Variants in NUP153 observed in about 807,000 individuals in gnomAD.
NUP153 encodes nuclear pore complex protein Nup153.
NUP153 carries 27 observed loss-of-function variants against 134.6 expected under a neutral mutation model. The ratio of observed to expected loss-of-function variants is 0.20; its 90% CI spans 0.15 to 0.28. NUP153 has a LOEUF of 0.28. NUP153 is among the 10% of genes least tolerant of loss of function. The pLI is 1.00. For synonymous variants in NUP153, 640 were observed against 623.5 expected, an observed-to-expected ratio of 1.03 and a Z score of -0.40; for missense variants, 1,821 against 1,731.3, an observed-to-expected ratio of 1.05 and a Z score of -0.92.
At chr6:17,622,370 C>A (rs996387840) in intron 20 of NUP153, among the ~76,000 whole-genome samples, 3 of 152,168 alleles carry the variant, frequency 2.0e-5, no homozygotes, top group East Asian at 1.9e-4. Context: ...CAGGCTCAGG[C>A]AGGAGGATGG....
rs372055394 is a variant in NUP153 at position 17,688,562 on chromosome 6, T to C, written c.168A>G (p.Gln56=). 24 of 1,614,030 alleles carry C rather than the reference T, an allele frequency of 1.5e-5. No individual in the cohort carries two copies. In the East Asian group the frequency reaches 4.5e-4, roughly 30 times the overall value. The change falls in exon 2 of 22, where the codon CAA becomes CAG. Residue 56 remains glutamine (Q), a synonymous_variant. Coordinates refer to ENST00000262077, the MANE Select transcript of NUP153 (RefSeq NM_005124.4). ...CATCTTCATTCTTGTTGAAGTATCTTTGTAGCCACCCTGGCACAATATTCT... is the reference window on the plus strand; with the variant it reads ...CATCTTCATTCTTGTTGAAGTATCTCTGTAGCCACCCTGGCACAATATTCT... ...SVKNIVPGWL[Q]RYFNKNEDVC... is the part of the protein sequence containing the mutation.
intron 5 of NUP153, among the ~76,000 whole-genome samples, chr6:17,674,490 C>T (rs1768101682): frequency 6.6e-6 from 1 of 152,104 alleles, no homozygotes; most frequent in Admixed American, 6.6e-5. Flanking sequence ...AACTACTGGC[C>T]GGGTGCAGTG....
chr6:17,661,254 C>T (rs892683055), intron 11 of NUP153, among the ~76,000 whole-genome samples: 1 of 152,076 alleles, frequency 6.6e-6, no homozygotes, highest in Non-Finnish European at 1.5e-5. Context: ...GCAGAGGTTG[C>T]ACTGAGCCGA....
intron 18 of NUP153, among the ~76,000 whole-genome samples, chr6:17,627,487 G>A (rs1456590196): frequency 6.6e-6 from 1 of 152,030 alleles, no homozygotes; most frequent in Admixed American, 6.6e-5. Context: ...TTGTGTTGGT[G>A]TTTTTTTGTT....
intron 1 of NUP153, among the ~76,000 whole-genome samples, chr6:17,702,973 G>T (rs1029055089): frequency 2.6e-5 from 4 of 152,048 alleles, no homozygotes; most frequent in Non-Finnish European, 4.4e-5. Context: ...GGCTGTGGCG[G>T]GTGGATCACC....
At chr6:17,669,139 C>T (rs564985325) in intron 7 of NUP153, 111 bp from the exon 8 acceptor site, 37 of 1,001,656 alleles carry the variant, frequency 3.7e-5, no homozygotes, top group African/African-American at 3.2e-4. Context: ...AGTGCAGTGG[C>T]GCGATCTTGA....
At position 17,635,645 on chromosome 6, in the gene NUP153, C is replaced by T. The variant is rs190081612; in HGVS notation, c.2464+1508G>A. Among the ~76,000 whole-genome samples, 220 of 152,274 alleles carry T rather than the reference C, an allele frequency of 1.4e-3. 1 individual carries two copies. The highest frequency in any genetic ancestry group is 2.3e-3 in the Non-Finnish European group (157 of 68,018). On this transcript the variant is annotated intron_variant, in intron 16 of 21. Coordinates refer to ENST00000262077, the MANE Select transcript of NUP153 (RefSeq NM_005124.4). ...TTAAACTGGGTTCAAGCAATATACC[C>T]GCCTTGGCTTCTCCCAGTGCTGGGA...
Position 17,640,053 on chromosome 6 carries a change from T to C in NUP153, c.1732A>G (p.Thr578Ala). The stretch of plus-strand genomic sequence containing the variant: ...TTACAATTTGTACTGTTCACTGTAG[T>C]GACATGATGAGCTGTAATTTTTTTA... The part of the protein sequence containing the change: ...PIISSSAHHV[T>A]TVNSTNCKKT... The change falls in exon 15 of 22, where the codon ACT becomes GCT. Residue 578 changes from threonine to alanine, a missense_variant. Physicochemically the swap from Thr to Ala is moderately conservative, Grantham distance 58. Coordinates refer to ENST00000262077, the MANE Select transcript of NUP153 (RefSeq NM_005124.4). The C allele has an allele frequency of 6.4e-7, 1 of 1,572,614 alleles. No individual in the cohort carries two copies. The highest frequency in any genetic ancestry group is 1.4e-5 in the African/African-American group (1 of 73,210).
chr6:17,648,481 G>C (rs1004793304), intron 12 of NUP153, among the ~76,000 whole-genome samples: 7 of 152,142 alleles, frequency 4.6e-5, no homozygotes, highest in African/African-American at 2.4e-5. Context: ...GCCGGGCATG[G>C]TGGTGCGCAC....
rs115093410 is a variant in NUP153, at chr6:17,668,607, C to T, written c.1068+368G>A. ...ACCTTAGTCCCGGCACTTTGGGAGG[C>T]CACGGCAGGCAGATCACCTGAGCTC... On this transcript the variant is annotated intron_variant, in intron 8 of 21. Transcript: ENST00000262077. Among the ~76,000 whole-genome samples the T allele has an allele frequency of 2.5e-3, 374 of 152,086 alleles. 5 individuals carry two copies. The highest frequency in any genetic ancestry group is 8.3e-3 in the African/African-American group (346 of 41,492).
At chr6:17,616,290 G>GGGGGGGGGGGGGGGC in intron 21 of NUP153, 109 bp from the exon 22 acceptor site, 1 of 473,898 alleles carries the variant, frequency 2.1e-6, no homozygotes, top group Non-Finnish European at 3.9e-6. Flanking sequence ...GGTGGGGGGG[G>GGGGGGGGGGGGGGGC]AGTAGACTCA....
chr6:17,665,431 A>C, intron 8 of NUP153, 46 bp from the exon 9 acceptor site: 3 of 1,487,644 alleles, frequency 2.0e-6, no homozygotes, highest in Non-Finnish European at 2.8e-6. Context: ...CATATAAATC[A>C]ATGATTCATA....
At chr6:17,697,639 G>C (rs905702563) in intron 1 of NUP153, among the ~76,000 whole-genome samples, 4 of 152,144 alleles carry the variant, frequency 2.6e-5, no homozygotes, top group Non-Finnish European at 5.9e-5. Context: ...AGTGAGCCGA[G>C]ATCACATCAC....
chr6:17,646,616 C>A (rs536606942), intron 13 of NUP153, among the ~76,000 whole-genome samples: 1 of 152,286 alleles, frequency 6.6e-6, no homozygotes, highest in South Asian at 2.1e-4. Context: ...TATTGAATGG[C>A]AATGTCACAG....
intron 2 of NUP153, among the ~76,000 whole-genome samples, chr6:17,684,073 C>G (rs1020147186): frequency 6.6e-6 from 1 of 152,142 alleles, no homozygotes; most frequent in Non-Finnish European, 1.5e-5. Flanking sequence ...ACTGATATGC[C>G]TGCTCCCACT....
chr6:17,674,506 C>T (rs960441762), intron 5 of NUP153, among the ~76,000 whole-genome samples: 21 of 152,254 alleles, frequency 1.4e-4, no homozygotes, highest in East Asian at 5.8e-4. Flanking sequence ...CAGTGGCTCA[C>T]GCCTGTAATC....
chr6:17,663,268 T>TAC (rs1767316316), intron 9 of NUP153, among the ~76,000 whole-genome samples: 1 of 151,300 alleles, frequency 6.6e-6, no homozygotes, highest in Non-Finnish European at 1.5e-5. Context: ...CACATATATA[T>TAC]ATATATATTT....
chr6:17,652,551 A>C (rs1196891334), intron 11 of NUP153, among the ~76,000 whole-genome samples: 1 of 152,200 alleles, frequency 6.6e-6, no homozygotes, highest in African/African-American at 2.4e-5. Context: ...GACACAAAGA[A>C]GAATAAAAAT....
Position 17,637,743 on chromosome 6 carries a change from A to G in NUP153, c.1874T>C (p.Val625Ala). 4 of 1,603,540 alleles carry G rather than the reference A, an allele frequency of 2.5e-6. No individual in the cohort carries two copies. The South Asian group carries it at 3.3e-5, about 13-fold the overall frequency. ...PGFASPKIDSVAAQPTATSPV... is the reference protein window; with the variant it reads ...PGFASPKIDSAAAQPTATSPV... ...GCTTGTTGCGGTGGGCTGAGCAGCA[A>G]CAGAATCTATCTTCGGCGATGCGAA... The change falls in exon 16 of 22, where the codon GTT (valine) becomes GCT (alanine). Residue 625 changes from valine to alanine, a missense_variant. Physicochemically the swap from Val to Ala is moderately conservative, Grantham distance 64. Coordinates refer to ENST00000262077, the MANE Select transcript of NUP153 (RefSeq NM_005124.4).
Sources: gnomAD v4.1 joint callset for allele counts (sites outside exome capture counted in the v4.1 genomes callset) on GRCh38, gnomAD v4.1.1 for gene constraint, MANE v1.5 for transcripts, NCBI Gene and HGNC (gene_info 2026-07-23, HGNC 2026-07-21) for gene names.